Variants in KCNAB2 observed in about 807,000 individuals in gnomAD.
KCNAB2 encodes the protein voltage-gated potassium channel subunit beta-2.
KCNAB2 carries 29 observed loss-of-function variants against 63.6 expected under a neutral mutation model. The observed-to-expected ratio is 0.46, with a 90% CI of 0.34 to 0.62. The LOEUF is 0.62. KCNAB2 is among the 20% of genes least tolerant of loss of function. The probability of loss-of-function intolerance (pLI) is 0.01; values close to 1 mark genes in which losing one functional copy is unlikely to be tolerated. For synonymous variants in KCNAB2, 222 were observed against 224.2 expected (o/e 0.99, Z 0.09); for missense variants, 359 against 563.9 (o/e 0.64, Z 3.68).
intron 1 of KCNAB2, among the ~76,000 whole-genome samples, chr1:5,993,223 TCTC>T (rs1229033599): frequency 6.6e-6 from 1 of 150,778 alleles, no homozygotes; most frequent in Non-Finnish European, 1.5e-5. Context: ...CCTCCCCATC[TCTC>T]CTCCTGATCG....
At chr1:6,038,226 C>T (rs1448060825) in intron 1 of KCNAB2, among the ~76,000 whole-genome samples, 1 of 151,970 alleles carries the variant, frequency 6.6e-6, no homozygotes, top group Non-Finnish European at 1.5e-5. Context: ...CACCAAGCCC[C>T]ACCACTTCCT....
At chr1:6,065,000 C>A (rs967278378) in intron 2 of KCNAB2, among the ~76,000 whole-genome samples, 1 of 152,192 alleles carries the variant, frequency 6.6e-6, no homozygotes, top group African/African-American at 2.4e-5. Flanking sequence ...CTTTGACCCC[C>A]GCGTTTCCTT....
At chr1:6,042,723 A>G (rs1052551022), upstream of KCNAB2, among the ~76,000 whole-genome samples, 4 of 152,028 alleles carry the variant, frequency 2.6e-5, no homozygotes, top group Non-Finnish European at 2.9e-5. Flanking sequence ...AGGTCTCTCT[A>G]TTCGGACCCG....
Position 6,074,699 on chromosome 1 carries a change from C to A in KCNAB2, c.300+929C>A, listed in dbSNP as rs1663515200. On this transcript the variant is annotated intron_variant, in intron 4 of 15. Transcript: ENST00000378083. This position sits in a 1 kb window ranked among gnomAD's most constrained non-coding sequence, Gnocchi z 4.9. ...AGCTGGCCGGGCGCGGTGACTCACA[C>A]CTGTAACCCCAGCACTTTGGAAGGC... Among the ~76,000 whole-genome samples the A allele has an allele frequency of 6.6e-6, 1 of 152,156 alleles. No homozygotes were observed. Among genetic ancestry groups the A allele is most frequent in the Non-Finnish European group, 1.5e-5 (1 of 68,036 alleles).
rs1264736371 is a variant in KCNAB2, at chr1:6,028,419, G to A, written c.-52-12098G>A. 6.6e-6 allele frequency among the ~76,000 whole-genome samples: 1 copy of A among 152,190 alleles called. No homozygotes were observed. The highest frequency in any genetic ancestry group is 2.4e-5 in the African/African-American group (1 of 41,442). ...GATACTTCGGGGGCTTGGCAGGGGGGACCTCCGGGGTTCCAGAAGCAACAT... is the reference window on the plus strand; with the variant it reads ...GATACTTCGGGGGCTTGGCAGGGGGAACCTCCGGGGTTCCAGAAGCAACAT... On this transcript the variant is annotated intron_variant, in intron 1 of 16. Transcript: ENST00000341524. The surrounding 1 kb of genome is among the most constrained non-coding windows in gnomAD (Gnocchi z 4.0).
At chr1:6,016,034 G>T (rs1233646752) in intron 1 of KCNAB2, among the ~76,000 whole-genome samples, 1 of 152,176 alleles carries the variant, frequency 6.6e-6, no homozygotes, top group Non-Finnish European at 1.5e-5. Context: ...AAAGAAAGGA[G>T]ATTCTGCAAT....
chr1:6,009,365 C>T (rs958561559), intron 1 of KCNAB2, among the ~76,000 whole-genome samples: 6 of 152,294 alleles, frequency 3.9e-5, no homozygotes, highest in Admixed American at 2.0e-4. Context: ...GGCTGGCTAA[C>T]GGGTGGAGGG....
intron 4 of KCNAB2, among the ~76,000 whole-genome samples, chr1:6,077,871 G>A (rs898765728): frequency 1.3e-5 from 2 of 152,238 alleles, no homozygotes; most frequent in African/African-American, 2.4e-5. Flanking sequence ...TCCAGTGGTC[G>A]AACAGCATGC....
intron 1 of KCNAB2, among the ~76,000 whole-genome samples, chr1:6,039,585 C>T (rs749421499): frequency 5.9e-5 from 9 of 152,128 alleles, no homozygotes; most frequent in Non-Finnish European, 1.2e-4. Flanking sequence ...AGTGAGATCT[C>T]CTGGTTCTTG....
At chr1:6,052,114 C>A (rs1387738290) in intron 2 of KCNAB2, among the ~76,000 whole-genome samples, 1 of 151,254 alleles carries the variant, frequency 6.6e-6, no homozygotes, top group Non-Finnish European at 1.5e-5. Context: ...ACAACAACAA[C>A]AAAAATGTAT....
chr1:6,038,791 G>A (rs1228589902), intron 1 of KCNAB2, among the ~76,000 whole-genome samples: 3 of 152,224 alleles, frequency 2.0e-5, no homozygotes, highest in Non-Finnish European at 2.9e-5. Flanking sequence ...TGGGGAAAAA[G>A]AGTGGGAAAA....
chr1:6,072,266 G>A (rs1017531726), intron 2 of KCNAB2, among the ~76,000 whole-genome samples: 3 of 152,190 alleles, frequency 2.0e-5, no homozygotes, highest in East Asian at 1.9e-4. Context: ...GGAGCTCCCC[G>A]CACCCCGAGG....
In KCNAB2 at chr1:6,006,756, C is replaced by T. The variant is rs552034086; in HGVS notation, c.-53+13968C>T. 2.5e-4 allele frequency among the ~76,000 whole-genome samples: 37 copies of T among 148,974 alleles called. 1 individual carries two copies. The highest frequency in any genetic ancestry group is 7.5e-4 in the African/African-American group (30 of 39,796). The stretch of plus-strand genomic sequence containing the variant: ...CCACATTCCCCTACTCCACCCTCAC[C>T]CCTCAGTGCTCTGTCAGAAGCGCTA... On this transcript the variant is annotated intron_variant, in intron 1 of 16. Transcript: ENST00000341524.
rs537304421 is a variant in KCNAB2, at chr1:6,039,783, G to A, written c.-52-734G>A. ...TGTTGGGCTGAGGGCTCAGCTTCTCGCCAGCTGTCGGCCCGAGGCTGCCCT... is the reference window on the plus strand; with the variant it reads ...TGTTGGGCTGAGGGCTCAGCTTCTCACCAGCTGTCGGCCCGAGGCTGCCCT... On this transcript the variant is annotated intron_variant, in intron 1 of 15. Coordinates refer to the KCNAB2 transcript ENST00000164247. 3.3e-5 allele frequency among the ~76,000 whole-genome samples: 5 copies of A among 152,326 alleles called. No homozygotes were observed. The South Asian group carries it at 6.2e-4, about 19-fold the overall frequency.
chr1:6,059,552 G>A (rs1464891012), intron 2 of KCNAB2, among the ~76,000 whole-genome samples: 1 of 152,186 alleles, frequency 6.6e-6, no homozygotes, highest in African/African-American at 2.4e-5. Flanking sequence ...TTCCCCTGGA[G>A]GCTCTTCGGA....
At position 6,100,285 on chromosome 1, in the gene KCNAB2, A is replaced by C; in HGVS notation, c.*1711A>C. On this transcript the variant is annotated 3_prime_UTR_variant, in exon 16 of 16. Transcript: ENST00000378083. Reference sequence around the variant, plus strand: ...CTTCATGCTGCCCCTGGCGCCTAGAACCCTTGCCCCTCCTCATAGACCAAG... The same window carrying C: ...CTTCATGCTGCCCCTGGCGCCTAGACCCCTTGCCCCTCCTCATAGACCAAG... The C allele has an allele frequency of 4.4e-6, 2 of 453,576 alleles. No individual in the cohort carries two copies. Among genetic ancestry groups the C allele is most frequent in the Non-Finnish European group, 7.5e-6 (2 of 267,694 alleles). 28.1% of individuals were successfully genotyped at this position (453,576 alleles called of 1,614,324 possible). A position where few individuals can be genotyped will look rare whatever the true frequency, so the allele number is the denominator to read the frequency against.
At chr1:6,022,801 T>C (rs927024766) in intron 1 of KCNAB2, among the ~76,000 whole-genome samples, 1 of 152,138 alleles carries the variant, frequency 6.6e-6, no homozygotes. Context: ...TCATCCGTGT[T>C]GTACCATATG....
chr1:6,046,188 G>C lies in KCNAB2; in HGVS notation c.-27+5G>C. 1 of 985,428 alleles carries C rather than the reference G, an allele frequency of 1.0e-6. No homozygotes were observed. 61.0% of individuals were successfully genotyped at this position (985,428 alleles called of 1,614,324 possible). On this transcript the variant is annotated splice_donor_5th_base_variant and intron_variant, in intron 1 of 15. Transcript: ENST00000378083. ...CAGACGCCCCCACGAAGGCAGGTGA[G>C]TCCTCCCTTCAGCCGCTACCTTCCT...
chr1:6,040,164 T>C (rs1660378167), intron 1 of KCNAB2, among the ~76,000 whole-genome samples: 1 of 152,188 alleles, frequency 6.6e-6, no homozygotes, highest in African/African-American at 2.4e-5. Context: ...CCCTGGGCGG[T>C]CTCTTCTGCA....
Sources: gnomAD v4.1 joint callset for allele counts (sites outside exome capture counted in the v4.1 genomes callset) on GRCh38, gnomAD v4.1.1 for gene constraint, Gnocchi (gnomAD v3.1) non-coding constraint, MANE v1.5 for transcripts, NCBI Gene and HGNC (gene_info 2026-07-23, HGNC 2026-07-21) for gene names.